The following PKM variants were observed in gnomAD, a reference collection of about 807,000 sequenced individuals.
PKM encodes the protein pyruvate kinase M1/2.
In PKM, 18 loss-of-function variants were observed where a neutral mutation model predicts 49.8. The observed-to-expected ratio is 0.36, with a 90% CI of 0.25 to 0.54. The LOEUF (loss-of-function observed/expected upper bound fraction) is 0.54. Among genes scored for constraint, PKM ranks in the 20% least tolerant of loss-of-function variants. The pLI, the probability that PKM is intolerant of heterozygous loss-of-function variation, is 0.89. For missense variants in PKM, 508 were observed against 713.8 expected (o/e 0.71, Z 3.28); for synonymous variants, 239 against 261.8 (o/e 0.91, Z 0.84).
chr15:72,221,194 G>A (rs770343533), intron 1 of PKM: 68 of 1,534,670 alleles, frequency 4.4e-5, no homozygotes, highest in South Asian at 4.8e-5. Context: ...TTGGGCTTCC[G>A]GTGACATAAT....
At chr15:72,213,779 C>A (rs8192404) in intron 3 of PKM, among the ~76,000 whole-genome samples, 91 of 152,320 alleles carry the variant, frequency 6.0e-4, no homozygotes, top group African/African-American at 2.1e-3. Flanking sequence ...TATTTTCTAT[C>A]TTTTGGATAT....
At chr15:72,207,394 A>T in intron 6 of PKM, 117 bp from the exon 7 acceptor site, 1 of 903,542 alleles carries the variant, frequency 1.1e-6, no homozygotes, top group Non-Finnish European at 1.8e-6. Context: ...CAGGACAGAC[A>T]TCCATGATAT....
rs2082458444 is a variant in PKM at position 72,219,184 on chromosome 15, T to C, written c.-13-74A>G. 6 of 1,377,182 alleles carry C rather than the reference T, an allele frequency of 4.4e-6. No homozygotes were observed. In the South Asian group the frequency reaches 7.7e-5, roughly 18 times the overall value. The allele number at this position is 1,377,182 out of a possible 1,614,324, so 85.3% of individuals were successfully genotyped here. Reference sequence around the variant, plus strand: ...ATATACCATTTAGCACAGAAGGCTGTCTCCTGCTTACACATTAACTCAATA... The same window carrying C: ...ATATACCATTTAGCACAGAAGGCTGCCTCCTGCTTACACATTAACTCAATA... On this transcript the variant is annotated intron_variant, in intron 1 of 10. Coordinates refer to ENST00000335181, the MANE Select transcript of PKM (RefSeq NM_002654.6).
intron 5 of PKM, among the ~76,000 whole-genome samples, chr15:72,209,251 C>T (rs192365204): frequency 0.022 from 3,322 of 151,562 alleles, 67 homozygotes; most frequent in Middle Eastern, 0.037. Flanking sequence ...TGCCTGTAAT[C>T]CCAGCTACTC....
In PKM at chr15:72,199,539, C is replaced by A. The variant is rs768113350; in HGVS notation, c.*111G>T. The stretch of plus-strand genomic sequence containing the variant: ...TGATCTTCTTCCCTGGTGTCCCAAC[C>A]TACCAGTGCCACGTTACAGCCCAGA... On this transcript the variant is annotated 3_prime_UTR_variant, in exon 11 of 11. Transcript: ENST00000335181. The A allele has an allele frequency of 2.6e-6, 2 of 776,130 alleles. No homozygotes were observed. The allele number at this position is 776,130 out of a possible 1,614,324, so 48.1% of individuals were successfully genotyped here.
intron 1 of PKM, chr15:72,222,624 C>T (rs1254577578): frequency 6.6e-6 from 1 of 152,414 alleles, no homozygotes; most frequent in Non-Finnish European, 1.5e-5. Flanking sequence ...CTATTGCATC[C>T]TCCTCCTAGG....
chr15:72,227,745 A>AAAAAAAAAAAAAAAAAT, intron 1 of PKM, among the ~76,000 whole-genome samples: 1 of 46,388 alleles, frequency 2.2e-5, no homozygotes, highest in Non-Finnish European at 5.1e-5. Context: ...AAACTATCTC[A>AAAAAAAAAAAAAAAAAT]AAAAAAAAAA....
chr15:72,227,891 A>G (rs2082725925), intron 1 of PKM, among the ~76,000 whole-genome samples: 1 of 152,026 alleles, frequency 6.6e-6, no homozygotes, highest in Non-Finnish European at 1.5e-5. Context: ...CATTGCCTCA[A>G]TATTAAGAAA....
At chr15:72,211,310 G>A (rs1025315322) in intron 3 of PKM, among the ~76,000 whole-genome samples, 43 of 151,968 alleles carry the variant, frequency 2.8e-4, no homozygotes, top group African/African-American at 8.2e-4. Flanking sequence ...CTCGTGATCC[G>A]CCCACCTCGG....
Position 72,225,177 on chromosome 15 carries a change from C to T in PKM, c.-14+5939G>A, listed in dbSNP as rs2082635035. Among the ~76,000 whole-genome samples, 6 of 149,696 alleles carry T rather than the reference C, an allele frequency of 4.0e-5. No homozygotes were observed. In the South Asian group the frequency reaches 1.3e-3, roughly 32 times the overall value. ...GGTCTCAATCTCCTGACCTCGTGAT[C>T]CGCCCACCTCAGCTTCCCAAAGTGC... On this transcript the variant is annotated intron_variant, in intron 1 of 10. Transcript: ENST00000335181.
intron 1 of PKM, among the ~76,000 whole-genome samples, chr15:72,225,581 T>C (rs2082646127): frequency 6.6e-6 from 1 of 152,178 alleles, no homozygotes; most frequent in South Asian, 2.1e-4. Flanking sequence ...CTGAACCCTA[T>C]AATATTGTGG....
At position 72,206,751 on chromosome 15, in the gene PKM, C is replaced by T; in HGVS notation, c.1117G>A (p.Glu373Lys). 1 of 1,613,600 alleles carries T rather than the reference C, an allele frequency of 6.2e-7. No homozygotes were observed. Among genetic ancestry groups the T allele is most frequent in the Non-Finnish European group, 8.5e-7 (1 of 1,180,044 alleles). ...ACCAGGTGCTGCATGCGCACAGCCT[C>T]CAGAGGATAGTCCCCTTTGGCTGTT... is the stretch of plus-strand genomic sequence containing the variant. ...GETAKGDYPL[E>K]AVRMQHLIAR... Residue 373 changes from glutamate to lysine, a missense_variant, in exon 8 of 11, where the codon GAG (glutamate) becomes AAG (lysine). Glu to Lys is a moderately conservative substitution (Grantham distance 56). Transcript: ENST00000335181.
In PKM at chr15:72,219,113, G is replaced by A. The variant is rs757222988; in HGVS notation, c.-13-3C>T. 10 of 1,610,306 alleles carry A rather than the reference G, an allele frequency of 6.2e-6. No homozygotes were observed. Among genetic ancestry groups the A allele is most frequent in the Non-Finnish European group, 7.6e-6 (9 of 1,177,036 alleles). ...GCTTCGACATGGCTGCTGAGGTCCT[G>A]GGTCGAGACAAATTGAAAGAGAGTG... On this transcript the variant is annotated splice_polypyrimidine_tract_variant and splice_region_variant and intron_variant, in intron 1 of 10. Coordinates refer to ENST00000335181, the MANE Select transcript of PKM (RefSeq NM_002654.6).
intron 9 of PKM, chr15:72,201,171 C>T (rs997290036): frequency 6.5e-6 from 1 of 154,816 alleles, no homozygotes; most frequent in Non-Finnish European, 1.4e-5. Flanking sequence ...CCACATGGCC[C>T]CTAGCTCCTG....
At chr15:72,208,020 GC>G (rs992008379) in intron 6 of PKM, among the ~76,000 whole-genome samples, 1 of 152,246 alleles carries the variant, frequency 6.6e-6, no homozygotes. Context: ...TACTTTGTGA[GC>G]ATTGGGGAGG....
intron 1 of PKM, chr15:72,228,583 A>G: frequency 8.2e-7 from 1 of 1,224,258 alleles, no homozygotes; most frequent in Non-Finnish European, 1.1e-6. Context: ...TCACCCAGCG[A>G]AGATAATTCT....
At chr15:72,229,229 G>C (rs969877243) in intron 1 of PKM, among the ~76,000 whole-genome samples, 6 of 152,142 alleles carry the variant, frequency 3.9e-5, no homozygotes, top group African/African-American at 1.4e-4. Context: ...TCAGTCACAG[G>C]CTTTTCTTCT....
At chr15:72,225,980 C>T (rs186439170) in intron 1 of PKM, among the ~76,000 whole-genome samples, 10 of 152,356 alleles carry the variant, frequency 6.6e-5, no homozygotes, top group African/African-American at 2.4e-4. Context: ...CCTTTTTCCA[C>T]ACTTGGTACT....
upstream of PKM, chr15:72,231,535 G>C (rs2082873417): frequency 6.6e-6 from 1 of 152,516 alleles, no homozygotes; most frequent in Non-Finnish European, 1.5e-5. Flanking sequence ...CGCCAAGTTG[G>C]GCTGCCAGAT....
Sources: allele counts gnomAD v4.1 joint callset (sites outside exome capture counted in the v4.1 genomes callset), GRCh38; gene constraint gnomAD v4.1.1; transcripts MANE v1.5; gene names NCBI Gene and HGNC (gene_info 2026-07-23, HGNC 2026-07-21).